Variants in PCDHA3 observed in about 807,000 individuals in gnomAD.
The protein encoded by PCDHA3 is protocadherin alpha-3.
Under a neutral mutation model 62.2 loss-of-function variants are expected in PCDHA3, and 41 were observed. That is an observed-to-expected ratio of 0.66 (90% CI 0.51 to 0.86). The LOEUF is 0.86. PCDHA3 is among the 40% of genes least tolerant of loss of function. The pLI is 0.00. For missense variants in PCDHA3, 1,304 were observed against 1,241.2 expected (o/e 1.05, Z -0.76); for synonymous variants, 640 against 555.4 (o/e 1.15, Z -2.14).
At chr5:140,821,477 G>A in intron 1 of PCDHA3, 1 of 272,630 alleles carries the variant, frequency 3.7e-6, no homozygotes, top group Non-Finnish European at 6.9e-6. Context: ...TTGAAAGTGA[G>A]AATACTTGAG....
chr5:140,959,525 C>G (rs1356711808), intron 1 of PCDHA3, among the ~76,000 whole-genome samples: 1 of 151,910 alleles, frequency 6.6e-6, no homozygotes, highest in Non-Finnish European at 1.5e-5. Flanking sequence ...TCTTTAAGAC[C>G]ATTAATTCAG....
At chr5:140,883,912 C>A in intron 1 of PCDHA3, 1 of 1,613,300 alleles carries the variant, frequency 6.2e-7, no homozygotes, top group South Asian at 1.1e-5. Context: ...TGGGCAGCAA[C>A]GTGACGCTGC....
intron 1 of PCDHA3, among the ~76,000 whole-genome samples, chr5:140,833,364 G>T (rs1298324769): frequency 1.3e-5 from 2 of 152,118 alleles, no homozygotes; most frequent in Non-Finnish European, 2.9e-5. Flanking sequence ...AACACAGTAA[G>T]GTAGATCCAA....
chr5:140,874,152 T>C (rs1416330070), intron 1 of PCDHA3, among the ~76,000 whole-genome samples: 1 of 152,228 alleles, frequency 6.6e-6, no homozygotes, highest in African/African-American at 2.4e-5. Context: ...TGTAGAGCCA[T>C]TCTTGGTTAC....
intron 1 of PCDHA3, chr5:140,869,054 T>C: frequency 6.5e-7 from 1 of 1,545,104 alleles, no homozygotes; most frequent in African/African-American, 1.4e-5. Context: ...CTGAAGAATC[T>C]GGTACTGTAA....
chr5:140,895,124 T>A (rs2064859568), intron 1 of PCDHA3, among the ~76,000 whole-genome samples: 1 of 152,196 alleles, frequency 6.6e-6, no homozygotes, highest in Non-Finnish European at 1.5e-5. Flanking sequence ...ATTTGTTAGT[T>A]GACAAGTTCA....
At chr5:140,870,181 G>C in intron 1 of PCDHA3, 1 of 1,614,160 alleles carries the variant, frequency 6.2e-7, no homozygotes, top group Non-Finnish European at 8.5e-7. Context: ...CCCAGTACGA[G>C]AGGACGCTCA....
At chr5:140,883,162 C>A (rs782797002) in intron 1 of PCDHA3, 8 of 1,613,690 alleles carry the variant, frequency 5.0e-6, no homozygotes, top group Non-Finnish European at 5.1e-6. Context: ...TAAATCCGAA[C>A]AATGGAGAAA....
At chr5:140,883,202 G>T in intron 1 of PCDHA3, 1 of 1,613,916 alleles carries the variant, frequency 6.2e-7, no homozygotes, top group Non-Finnish European at 8.5e-7. Context: ...AGATTTCGAA[G>T]AAAAGAAATT....
intron 1 of PCDHA3, among the ~76,000 whole-genome samples, chr5:140,844,255 T>C (rs1015870602): frequency 6.7e-6 from 1 of 149,734 alleles, no homozygotes; most frequent in Admixed American, 6.7e-5. Flanking sequence ...TTAAGCAGTG[T>C]AGTGATAAAA....
chr5:140,994,314 C>T (rs936811729), intron 3 of PCDHA3, among the ~76,000 whole-genome samples: 4 of 152,192 alleles, frequency 2.6e-5, no homozygotes, highest in African/African-American at 9.6e-5. Flanking sequence ...AGGGCCCAAA[C>T]ACTCTCAGCA....
At chr5:140,819,718 T>C (rs1173978275) in intron 1 of PCDHA3, among the ~76,000 whole-genome samples, 1 of 152,088 alleles carries the variant, frequency 6.6e-6, no homozygotes, top group African/African-American at 2.4e-5. Flanking sequence ...AAATATAATT[T>C]AACAGATATG....
At chr5:140,821,800 C>G (rs782220892) in intron 1 of PCDHA3, 1 of 1,613,116 alleles carries the variant, frequency 6.2e-7, no homozygotes, top group Non-Finnish European at 8.5e-7. Context: ...GAGAGGAAGT[C>G]TGGGATCCCG....
intron 2 of PCDHA3, 130 bp from the exon 3 acceptor site, chr5:140,982,345 A>G: frequency 6.8e-7 from 1 of 1,471,098 alleles, no homozygotes; most frequent in Non-Finnish European, 9.1e-7. Context: ...TAATTGCTTC[A>G]GTTCAAGCAT....
At chr5:140,965,561 A>T (rs2095912417) in intron 1 of PCDHA3, among the ~76,000 whole-genome samples, 1 of 152,114 alleles carries the variant, frequency 6.6e-6, no homozygotes, top group Admixed American at 6.5e-5. Context: ...TTAGGAGATC[A>T]ACAGTAACGC....
At chr5:140,914,481 G>A (rs549926889) in intron 1 of PCDHA3, among the ~76,000 whole-genome samples, 3 of 152,120 alleles carry the variant, frequency 2.0e-5, no homozygotes, top group Non-Finnish European at 4.4e-5. Context: ...TAGGTGAAGT[G>A]TTTCTTGTGG....
At chr5:141,001,975 G>T (rs900969211) in intron 3 of PCDHA3, among the ~76,000 whole-genome samples, 2 of 152,302 alleles carry the variant, frequency 1.3e-5, no homozygotes, top group Non-Finnish European at 2.9e-5. Flanking sequence ...GTCTCTGCGC[G>T]GAAAGCCTGG....
intron 1 of PCDHA3, chr5:140,848,627 C>A (rs2150415435): frequency 6.3e-7 from 1 of 1,593,432 alleles, no homozygotes; most frequent in Non-Finnish European, 8.6e-7. Context: ...ACGGCACCTT[C>A]GTGGGCCGCA....
At chr5:140,902,044 AT>A (rs1222362795) in intron 1 of PCDHA3, among the ~76,000 whole-genome samples, 1 of 152,016 alleles carries the variant, frequency 6.6e-6, no homozygotes, top group Admixed American at 6.6e-5. Flanking sequence ...TTGTATGTTG[AT>A]TTTGTATCCT....
Sources: gnomAD v4.1 joint callset for allele counts (sites outside exome capture counted in the v4.1 genomes callset) on GRCh38, gnomAD v4.1.1 for gene constraint, MANE v1.5 for transcripts, NCBI Gene and HGNC (gene_info 2026-07-23, HGNC 2026-07-21) for gene names.